The following CNTNAP4 variants were observed in gnomAD, a reference collection of about 807,000 sequenced individuals.
The protein encoded by CNTNAP4 is contactin associated protein family member 4, also known as contactin-associated protein-like 4.
A neutral mutation model predicts 148.4 loss-of-function variants in CNTNAP4; 98 were observed. The observed-to-expected ratio is 0.66, with a 90% CI of 0.56 to 0.78. CNTNAP4 has a LOEUF of 0.78. CNTNAP4 is among the 30% of genes least tolerant of loss of function. The probability of loss-of-function intolerance (pLI) is 0.00; values close to 1 mark genes in which losing one functional copy is unlikely to be tolerated. For synonymous variants in CNTNAP4, 730 were observed against 565.1 expected, an observed-to-expected ratio of 1.29 and a Z score of -4.14; for missense variants, 1,935 against 1,565.6, an observed-to-expected ratio of 1.24 and a Z score of -3.98.
Position 76,298,659 on chromosome 16 carries a change from G to C in CNTNAP4, c.86-17754G>C, listed in dbSNP as rs147835680. On this transcript the variant is annotated intron_variant, in intron 1 of 23. Coordinates refer to ENST00000611870, the MANE Select transcript of CNTNAP4 (RefSeq NM_033401.5). ...GGAGTAAACACACCCTTAAAGTAAT[G>C]GGGTGGCTGCAGCCATATAGAGCTC... Among the ~76,000 whole-genome samples the C allele has an allele frequency of 2.5e-3, 376 of 152,164 alleles. 1 individual carries two copies. Among genetic ancestry groups the C allele is most frequent in the African/African-American group, 8.7e-3 (360 of 41,522 alleles).
intron 1 of CNTNAP4, among the ~76,000 whole-genome samples, chr16:76,293,431 A>C (rs1445499378): frequency 6.6e-6 from 1 of 152,116 alleles, no homozygotes; most frequent in African/African-American, 2.4e-5. Flanking sequence ...CGTAATTTTA[A>C]TGATATTTTC....
chr16:76,356,810 A>G (rs1395467519), intron 3 of CNTNAP4, among the ~76,000 whole-genome samples: 2 of 152,092 alleles, frequency 1.3e-5, no homozygotes, highest in Non-Finnish European at 2.9e-5. Context: ...TCCGTTATAC[A>G]TTATAAACTC....
chr16:76,344,747 A>T (rs1428678502), intron 2 of CNTNAP4, among the ~76,000 whole-genome samples: 1 of 152,264 alleles, frequency 6.6e-6, no homozygotes, highest in Non-Finnish European at 1.5e-5. Context: ...ATATGAGATC[A>T]TCTCAAAATC....
intron 1 of CNTNAP4, among the ~76,000 whole-genome samples, chr16:76,299,617 C>T (rs1959717953): frequency 6.6e-6 from 1 of 152,096 alleles, no homozygotes; most frequent in Non-Finnish European, 1.5e-5. Context: ...ACTAGAAATA[C>T]CATTTGACCT....
At chr16:76,545,561 T>G (rs192671461) in intron 21 of CNTNAP4, among the ~76,000 whole-genome samples, 2 of 147,926 alleles carry the variant, frequency 1.4e-5, no homozygotes, top group Admixed American at 6.8e-5. Context: ...CCAAGCATAA[T>G]AACACATAGA....
In CNTNAP4 at chr16:76,355,443, A is replaced by G. The variant is rs143795961; in HGVS notation, c.322A>G (p.Ser108Gly). 2 of 1,613,458 alleles carry G rather than the reference A, an allele frequency of 1.2e-6. No individual in the cohort carries two copies. The highest frequency in any genetic ancestry group is 1.1e-5 in the South Asian group (1 of 91,032). The change falls in exon 3 of 24, where the codon AGC becomes GGC. Residue 108 changes from serine (S) to glycine (G), a missense_variant. Coordinates refer to ENST00000611870, the MANE Select transcript of CNTNAP4 (RefSeq NM_033401.5). Reference sequence around the variant, plus strand: ...ATATGGTAGCTCCAACTGGGTGACCAGCTACCTCCTGATGTTCAGTGATAG... The same window carrying G: ...ATATGGTAGCTCCAACTGGGTGACCGGCTACCTCCTGATGTTCAGTGATAG... ...GGYGSSNWVT[S>G]YLLMFSDSGW...
chr16:76,414,784 A>G (rs760389024), intron 3 of CNTNAP4, among the ~76,000 whole-genome samples: 1 of 151,364 alleles, frequency 6.6e-6, no homozygotes, highest in Non-Finnish European at 1.5e-5. Context: ...TTAAATTTGT[A>G]AAATTAGTGG....
chr16:76,463,545 T>G (rs1001765104), intron 9 of CNTNAP4, among the ~76,000 whole-genome samples: 1 of 152,216 alleles, frequency 6.6e-6, no homozygotes, highest in Non-Finnish European at 1.5e-5. Context: ...ATACATCATC[T>G]TTTTAAAAAG....
chr16:76,492,572 C>A (rs4888518), intron 13 of CNTNAP4, among the ~76,000 whole-genome samples: 121,482 of 152,066 alleles, frequency 0.8, 49,984 homozygotes, highest in East Asian at 0.96. Context: ...CCAAATCTCA[C>A]CTTGAATTGT....
At chr16:76,490,698 C>T (rs2143789361) in intron 13 of CNTNAP4, among the ~76,000 whole-genome samples, 1 of 152,282 alleles carries the variant, frequency 6.6e-6, no homozygotes, top group African/African-American at 2.4e-5. Flanking sequence ...ATTTAAGAAG[C>T]TCTACCGCCT....
At chr16:76,391,044 T>C (rs1483041976) in intron 3 of CNTNAP4, among the ~76,000 whole-genome samples, 1 of 152,174 alleles carries the variant, frequency 6.6e-6, no homozygotes, top group Non-Finnish European at 1.5e-5. Flanking sequence ...TACTTTAATA[T>C]ATACAGTTAT....
At chr16:76,533,101 A>G (rs2084056134) in intron 17 of CNTNAP4, among the ~76,000 whole-genome samples, 1 of 151,734 alleles carries the variant, frequency 6.6e-6, no homozygotes, top group African/African-American at 2.4e-5. Context: ...GTCCAATAAC[A>G]AATGAATCGA....
chr16:76,309,160 T>C (rs1597144887), intron 1 of CNTNAP4, among the ~76,000 whole-genome samples: 2 of 152,228 alleles, frequency 1.3e-5, no homozygotes, highest in East Asian at 3.9e-4. Context: ...TTGTGTCTTC[T>C]GGGTGCTTAA....
intron 3 of CNTNAP4, among the ~76,000 whole-genome samples, chr16:76,413,389 A>G (rs1258248041): frequency 1.3e-5 from 2 of 151,316 alleles, no homozygotes; most frequent in African/African-American, 4.8e-5. Context: ...CCATGTATTT[A>G]AAAGAATTAT....
chr16:76,487,536 C>T lies in CNTNAP4; in HGVS notation c.1883-2150C>T, dbSNP rs186592227. Among the ~76,000 whole-genome samples, 578 of 152,284 alleles carry T rather than the reference C, an allele frequency of 3.8e-3. 3 individuals are homozygous for T. Among genetic ancestry groups the T allele is most frequent in the African/African-American group, 0.013 (522 of 41,560 alleles). On this transcript the variant is annotated intron_variant, in intron 12 of 23. Transcript: ENST00000611870. ...TGTCTGAAAGAACAGTAAAGAGGCT[C>T]TAATTTGAGACTTTTCAGAGATTTC...
intron 2 of CNTNAP4, 58 bp from the exon 3 acceptor site, chr16:76,355,258 CAT>C (rs575297890): frequency 7.8e-5 from 102 of 1,309,072 alleles, no homozygotes; most frequent in Non-Finnish European, 1.0e-4. Context: ...TCTTTACAAA[CAT>C]AGATTTTTAA....
chr16:76,505,330 T>C lies in CNTNAP4; in HGVS notation c.2365+6636T>C. On this transcript the variant is annotated intron_variant, in intron 15 of 23. Coordinates refer to ENST00000611870, the MANE Select transcript of CNTNAP4 (RefSeq NM_033401.5). ...AGACTATTGATAACGTGCAACAACATAGATGAATCTCAACTGCATTACTCT... is the reference window on the plus strand; with the variant it reads ...AGACTATTGATAACGTGCAACAACACAGATGAATCTCAACTGCATTACTCT... Among the ~76,000 whole-genome samples the C allele has an allele frequency of 3.9e-5, 2 of 51,674 alleles. 1 individual carries two copies. 33.9% of individuals were successfully genotyped at this position (51,674 alleles called of 152,430 possible).
chr16:76,288,089 A>C (rs1958960190), intron 1 of CNTNAP4, among the ~76,000 whole-genome samples: 1 of 152,050 alleles, frequency 6.6e-6, no homozygotes, highest in Admixed American at 6.6e-5. Flanking sequence ...AGGTGGAGAT[A>C]ATTGAACCAT....
At chr16:76,524,777 A>G (rs1233624201) in intron 17 of CNTNAP4, among the ~76,000 whole-genome samples, 1 of 152,166 alleles carries the variant, frequency 6.6e-6, no homozygotes, top group African/African-American at 2.4e-5. Context: ...GTTGTATAAA[A>G]AATAACTGTT....
Sources: allele counts gnomAD v4.1 joint callset (sites outside exome capture counted in the v4.1 genomes callset), GRCh38; gene constraint gnomAD v4.1.1; transcripts MANE v1.5; gene names NCBI Gene and HGNC (gene_info 2026-07-23, HGNC 2026-07-21).